Variants in WEE1 observed in about 807,000 individuals in gnomAD.
WEE1 encodes wee1-like protein kinase.
WEE1 carries 16 observed loss-of-function variants against 68.8 expected under a neutral mutation model. That is an observed-to-expected ratio of 0.23 (90% CI 0.16 to 0.35). The LOEUF is 0.35. WEE1 is among the 10% of genes least tolerant of loss of function. WEE1 has a pLI of 1.00. For missense variants in WEE1, 651 were observed against 824.1 expected, an observed-to-expected ratio of 0.79 and a Z score of 2.57; for synonymous variants, 349 against 318.7, an observed-to-expected ratio of 1.09 and a Z score of -1.01.
rs1278055737 is a variant in WEE1, at chr11:9,588,436, A to C, written c.1788-13A>C. On this transcript the variant is annotated splice_polypyrimidine_tract_variant and intron_variant, in intron 10 of 10. Coordinates refer to ENST00000450114, the MANE Select transcript of WEE1 (RefSeq NM_003390.4). Reference sequence around the variant, plus strand: ...TCCTAGGAATAATACCTTGTTTTCTATTTTTATGTCAGAGAACTCAAGAAA... The same window carrying C: ...TCCTAGGAATAATACCTTGTTTTCTCTTTTTATGTCAGAGAACTCAAGAAA... 2 of 1,553,984 alleles carry C rather than the reference A, an allele frequency of 1.3e-6. No individual in the cohort carries two copies. Among genetic ancestry groups the C allele is most frequent in the Non-Finnish European group, 1.7e-6 (2 of 1,156,648 alleles).
chr11:9,589,754 C>G lies in WEE1; in HGVS notation c.*1152C>G. 1 of 972,138 alleles carries G rather than the reference C, an allele frequency of 1.0e-6. No individual in the cohort carries two copies. Among genetic ancestry groups the G allele is most frequent in the Non-Finnish European group, 1.2e-6 (1 of 817,608 alleles). 60.2% of individuals were successfully genotyped at this position (972,138 alleles called of 1,614,324 possible). A position where few individuals can be genotyped will look rare whatever the true frequency, so the allele number is the denominator to read the frequency against. On this transcript the variant is annotated 3_prime_UTR_variant, in exon 11 of 11. Coordinates refer to ENST00000450114, the MANE Select transcript of WEE1 (RefSeq NM_003390.4). Reference sequence around the variant, plus strand: ...ATATTAAAAGTCACTCTGAGCTTACCTTAATTGTCTAAATCCTTGTGATGC... The same window carrying G: ...ATATTAAAAGTCACTCTGAGCTTACGTTAATTGTCTAAATCCTTGTGATGC...
chr11:9,575,835 C>G (rs1849559433), intron 1 of WEE1, 53 bp from the exon 2 acceptor site: 1 of 1,542,622 alleles, frequency 6.5e-7, no homozygotes, highest in Non-Finnish European at 8.9e-7. Flanking sequence ...GTTGAGAAGG[C>G]TGACTATAGG....
rs1565087187 is a variant in WEE1 at position 9,575,931 on chromosome 11, A to G, written c.620A>G (p.Lys207Arg). 3 of 1,614,026 alleles carry G rather than the reference A, an allele frequency of 1.9e-6. No homozygotes were observed. The highest frequency in any genetic ancestry group is 2.5e-6 in the Non-Finnish European group (3 of 1,180,028). Residue 207 changes from lysine (K) to arginine (R), a missense_variant, in exon 2 of 11, where the codon AAA becomes AGA. By Grantham distance (26) the Lys-to-Arg change is conservative (BLOSUM62 2). Around this residue, in one of 5 missense-constraint regions of WEE1, gnomAD observed 395 missense variants for 378.4 expected, o/e 1.04. Coordinates refer to ENST00000450114, the MANE Select transcript of WEE1 (RefSeq NM_003390.4). ...CGGGGAATTGATTCCAGCTCTGTTA[A>G]ACTCCGGGGTAGTTCTCTCTTCATG... ...KARGIDSSSV[K>R]LRGSSLFMDT...
chr11:9,586,668 A>C (rs1446985757), intron 9 of WEE1, 43 bp from the exon 10 acceptor site: 5 of 1,611,666 alleles, frequency 3.1e-6, no homozygotes, highest in Non-Finnish European at 4.2e-6. Context: ...TCTATATTTT[A>C]TTAAATGCAT....
Position 9,589,333 on chromosome 11 carries a change from C to CGAAA in WEE1, c.*731_*732insGAAA. The CGAAA allele has an allele frequency of 1.0e-6, 1 of 984,874 alleles. No individual in the cohort carries two copies. Among genetic ancestry groups the CGAAA allele is most frequent in the Non-Finnish European group, 1.2e-6 (1 of 829,818 alleles). 61.0% of individuals were successfully genotyped at this position (984,874 alleles called of 1,614,324 possible). ...TGCATTGGAAAAATGCACCCTTTCC[C>CGAAA]TCCTTTGGAATGCTGTATTAATGTA... On this transcript the variant is annotated 3_prime_UTR_variant, in exon 11 of 11. Transcript: ENST00000450114.
At chr11:9,583,336 C>T (rs886085404) in intron 6 of WEE1, among the ~76,000 whole-genome samples, 13 of 151,696 alleles carry the variant, frequency 8.6e-5, no homozygotes, top group African/African-American at 2.2e-4. Context: ...AAAAATTCGC[C>T]GGGCGTGGTG....
chr11:9,588,383 T>C (rs967936150), intron 10 of WEE1, 66 bp from the exon 11 acceptor site: 8 of 1,119,838 alleles, frequency 7.1e-6, no homozygotes, highest in Admixed American at 2.8e-5. Context: ...ATCGACAATA[T>C]AGTTTGTGTT....
At position 9,586,496 on chromosome 11, in the gene WEE1, A is replaced by C; in HGVS notation, c.1518A>C (p.Thr506=). ...CAGATATTTTTGCGCTTGCCCTCAC[A>C]GTGGTATGTGCTGCTGGTGCTGAAC... ...PKADIFALAL[T]VVCAAGAEPL... is the part of the protein sequence containing the mutation. The change falls in exon 9 of 11, where the codon ACA becomes ACC. Residue 506 remains threonine, a synonymous_variant. Transcript: ENST00000450114. 1.9e-6 allele frequency: 3 copies of C among 1,614,060 alleles called. No individual in the cohort carries two copies. The highest frequency in any genetic ancestry group is 2.2e-5 in the East Asian group (1 of 44,884).
Position 9,573,963 on chromosome 11 carries a change from G to A in WEE1, c.30G>A (p.Pro10=). Residue 10 remains proline, a synonymous_variant, in exon 1 of 11, where the codon CCG becomes CCA. Coordinates refer to ENST00000450114, the MANE Select transcript of WEE1 (RefSeq NM_003390.4). MSFLSRQQP[P]PPRRAGAACT... is the part of the protein sequence containing the mutation. ...GCTTCCTGAGCCGACAGCAGCCGCC[G>A]CCACCCCGCCGCGCCGGGGCGGCCT... is the stretch of plus-strand genomic sequence containing the variant. 2 of 1,292,510 alleles carry A rather than the reference G, an allele frequency of 1.5e-6. No individual in the cohort carries two copies. The highest frequency in any genetic ancestry group is 9.8e-7 in the Non-Finnish European group (1 of 1,020,040). 80.1% of individuals were successfully genotyped at this position (1,292,510 alleles called of 1,614,324 possible). A position where few individuals can be genotyped will look rare whatever the true frequency, so the allele number is the denominator to read the frequency against.
Position 9,589,293 on chromosome 11 carries a change from G to C in WEE1, c.*691G>C. 1 of 967,244 alleles carries C rather than the reference G, an allele frequency of 1.0e-6. No homozygotes were observed. 59.9% of individuals were successfully genotyped at this position (967,244 alleles called of 1,614,324 possible). On this transcript the variant is annotated 3_prime_UTR_variant, in exon 11 of 11. Coordinates refer to ENST00000450114, the MANE Select transcript of WEE1 (RefSeq NM_003390.4). ...ATTTGCCTTTTTTTTTTTTTCCTTT[G>C]AACTTTGAAGCTAGTGCATTGGAAA...
At position 9,574,555 on chromosome 11, in the gene WEE1, CGGAGGGGCCAGCGCCGCT is replaced by C. The variant is rs1565086699; in HGVS notation, c.576+48_576+65del. The C allele has an allele frequency of 3.5e-6, 4 of 1,159,346 alleles. No homozygotes were observed. Among genetic ancestry groups the C allele is most frequent in the South Asian group, 3.9e-5 (1 of 25,606 alleles). The allele number at this position is 1,159,346 out of a possible 1,614,324, so 71.8% of individuals were successfully genotyped here. A position where few individuals can be genotyped will look rare whatever the true frequency, so the allele number is the denominator to read the frequency against. On this transcript the variant is annotated intron_variant, in intron 1 of 10. Transcript: ENST00000450114. The surrounding 1 kb of genome is among the most constrained non-coding windows in gnomAD (Gnocchi z 4.9). ...CACCCGGCGGCCGGGGCCGCGGCGCCGGAGGGGCCAGCGCCGCTGCCTGGGTTCGGTTACAGAAGCGGC... is the reference window on the plus strand; with the variant it reads ...CACCCGGCGGCCGGGGCCGCGGCGCCGCCTGGGTTCGGTTACAGAAGCGGC...
chr11:9,574,105 C>A lies in WEE1; in HGVS notation c.172C>A (p.Pro58Thr). The A allele has an allele frequency of 8.2e-7, 1 of 1,220,154 alleles. No homozygotes were observed. Among genetic ancestry groups the A allele is most frequent in the Non-Finnish European group, 1.0e-6 (1 of 980,374 alleles). The allele number at this position is 1,220,154 out of a possible 1,614,324, so 75.6% of individuals were successfully genotyped here. Residue 58 changes from proline (P) to threonine (T), a missense_variant, in exon 1 of 11, where the codon CCC becomes ACC. Pro to Thr is a conservative substitution (Grantham distance 38). This residue lies in a region of WEE1 where 395 missense variants were observed against 378.4 expected (regional missense o/e 1.04). Coordinates refer to ENST00000450114, the MANE Select transcript of WEE1 (RefSeq NM_003390.4). The surrounding 1 kb of genome is among the most constrained non-coding windows in gnomAD (Gnocchi z 4.9). ...STGEDSAFQEPDSPLPPARSP... is the reference protein window; with the variant it reads ...STGEDSAFQETDSPLPPARSP... Reference sequence around the variant, plus strand: ...CGGGGAGGACTCGGCCTTTCAAGAGCCCGACTCGCCGCTGCCGCCCGCGCG... The same window carrying A: ...CGGGGAGGACTCGGCCTTTCAAGAGACCGACTCGCCGCTGCCGCCCGCGCG...
At position 9,586,588 on chromosome 11, in the gene WEE1, T is replaced by C. The variant is rs774134779; in HGVS notation, c.1610T>C (p.Val537Ala). The C allele has an allele frequency of 1.9e-6, 3 of 1,614,150 alleles. No homozygotes were observed. Among genetic ancestry groups the C allele is most frequent in the Admixed American group, 3.3e-5 (2 of 60,002 alleles). ...RQGRLPRIPQVLSQEFTELLK... is the reference protein window; with the variant it reads ...RQGRLPRIPQALSQEFTELLK... ...GGTAGATTACCTCGGATACCACAAG[T>C]GCTTTCCCAAGAATTTACAGAGTTG... Residue 537 changes from valine (V) to alanine (A), a missense_variant, in exon 9 of 11, where the codon GTG becomes GCG. This residue lies in a region of WEE1 where 115 missense variants were observed against 142.7 expected (regional missense o/e 0.81). Coordinates refer to ENST00000450114, the MANE Select transcript of WEE1 (RefSeq NM_003390.4).
In WEE1 at chr11:9,589,015, A is replaced by G. The variant is rs1419146116; in HGVS notation, c.*413A>G. 4 of 985,398 alleles carry G rather than the reference A, an allele frequency of 4.1e-6. No homozygotes were observed. The highest frequency in any genetic ancestry group is 3.5e-5 in the African/African-American group (2 of 57,126). The allele number at this position is 985,398 out of a possible 1,614,324, so 61.0% of individuals were successfully genotyped here. On this transcript the variant is annotated 3_prime_UTR_variant, in exon 11 of 11. Coordinates refer to ENST00000450114, the MANE Select transcript of WEE1 (RefSeq NM_003390.4). ...CTCATTACTACTCAGCCTTCAATGTACCTGTGTGTCCATCTTATATTTCTT... is the reference window on the plus strand; with the variant it reads ...CTCATTACTACTCAGCCTTCAATGTGCCTGTGTGTCCATCTTATATTTCTT...
intron 5 of WEE1, chr11:9,578,471 A>C (rs1226574392): frequency 6.6e-6 from 1 of 152,454 alleles, no homozygotes; most frequent in East Asian, 1.9e-4. Flanking sequence ...CAGCTCTTGA[A>C]ATGTTTCTAT....
chr11:9,574,336 GGTA>G lies in WEE1; in HGVS notation c.405_407del (p.Ser137del). The G allele has an allele frequency of 7.9e-7, 1 of 1,271,878 alleles. No homozygotes were observed. Among genetic ancestry groups the G allele is most frequent in the Non-Finnish European group, 9.9e-7 (1 of 1,007,992 alleles). 78.8% of individuals were successfully genotyped at this position (1,271,878 alleles called of 1,614,324 possible). A position where few individuals can be genotyped will look rare whatever the true frequency, so the allele number is the denominator to read the frequency against. ...GTCGCCGGCGGCCCCCTACTTCCTG[GGTA>G]GCTCTTTCTCGCCGGTGCGCTGCGG... On this transcript the variant is annotated inframe_deletion, in exon 1 of 11. Coordinates refer to ENST00000450114, the MANE Select transcript of WEE1 (RefSeq NM_003390.4). The surrounding 1 kb of genome is among the most constrained non-coding windows in gnomAD (Gnocchi z 4.9).
intron 5 of WEE1, chr11:9,578,249 T>C (rs1030891016): frequency 4.0e-5 from 7 of 173,996 alleles, no homozygotes; most frequent in Admixed American, 3.8e-4. Context: ...ATTCTTATTA[T>C]TCCTTAAATA....
chr11:9,583,755 GCGCGCGCA>G (rs1356195133), intron 6 of WEE1, among the ~76,000 whole-genome samples: 3 of 8,750 alleles, frequency 3.4e-4, no homozygotes, highest in African/African-American at 1.0e-3. Context: ...GTGCGTGCAC[GCGCGCGCA>G]CACACACACA....
Position 9,577,273 on chromosome 11 carries a change from G to A in WEE1, c.1141+10G>A. On this transcript the variant is annotated intron_variant, in intron 5 of 10. Coordinates refer to ENST00000450114, the MANE Select transcript of WEE1 (RefSeq NM_003390.4). Reference sequence around the variant, plus strand: ...AATGAATATTGTAATGGTGAGTGATGTAATGGTTTTCTTGTGAGCTTGAGA... The same window carrying A: ...AATGAATATTGTAATGGTGAGTGATATAATGGTTTTCTTGTGAGCTTGAGA... 8 of 1,607,382 alleles carry A rather than the reference G, an allele frequency of 5.0e-6. No homozygotes were observed. Among genetic ancestry groups the A allele is most frequent in the African/African-American group, 1.3e-5 (1 of 74,862 alleles).
Sources: allele counts gnomAD v4.1 joint callset (sites outside exome capture counted in the v4.1 genomes callset), GRCh38; gene constraint gnomAD v4.1.1; regional missense constraint gnomAD v4.1.1; non-coding constraint Gnocchi (gnomAD v3.1); transcripts MANE v1.5; gene names NCBI Gene and HGNC (gene_info 2026-07-23, HGNC 2026-07-21).